The following EPB41L1 variants were observed in gnomAD, a reference collection of about 807,000 sequenced individuals.
EPB41L1 encodes erythrocyte membrane protein band 4.1 like 1.
EPB41L1 carries 29 observed loss-of-function variants against 97.8 expected under a neutral mutation model. The ratio of observed to expected loss-of-function variants is 0.30; its 90% CI spans 0.22 to 0.40. The LOEUF is 0.40. Among genes scored for constraint, EPB41L1 ranks in the 10% least tolerant of loss-of-function variants. The pLI is 1.00. For missense variants in EPB41L1, 812 were observed against 1,162.3 expected, an observed-to-expected ratio of 0.70 and a Z score of 4.38; for synonymous variants, 383 against 459.2, an observed-to-expected ratio of 0.83 and a Z score of 2.12.
rs552629155 is a variant in EPB41L1 at position 36,232,430 on chromosome 20, C to G, written c.*3090C>G. Reference sequence around the variant, plus strand: ...CGACTTGCAAAATAAGCAGAAAGAACCAGATGCTCTCCAGGGTCTTTTTCT... The same window carrying G: ...CGACTTGCAAAATAAGCAGAAAGAAGCAGATGCTCTCCAGGGTCTTTTTCT... On this transcript the variant is annotated 3_prime_UTR_variant, in exon 22 of 22. Coordinates refer to ENST00000338074, the MANE Select transcript of EPB41L1 (RefSeq NM_012156.2). The G allele has an allele frequency of 5.7e-4, 226 of 394,118 alleles. No homozygotes were observed. The highest frequency in any genetic ancestry group is 1.9e-3 in the Middle Eastern group (3 of 1,580). The allele number at this position is 394,118 out of a possible 1,614,324, so 24.4% of individuals were successfully genotyped here. A position where few individuals can be genotyped will look rare whatever the true frequency, so the allele number is the denominator to read the frequency against.
chr20:36,229,163 A>T (rs989024276), intron 21 of EPB41L1, among the ~76,000 whole-genome samples, 169 bp from the exon 22 acceptor site: 1 of 152,034 alleles, frequency 6.6e-6, no homozygotes, highest in African/African-American at 2.4e-5. Flanking sequence ...GGTGCAAGTC[A>T]CTCTACCTTG....
Position 36,207,827 on chromosome 20 carries a change from TG to T in EPB41L1, c.1669-1656del. The T allele has an allele frequency of 7.9e-7, 1 of 1,262,638 alleles. No individual in the cohort carries two copies. Among genetic ancestry groups the T allele is most frequent in the Non-Finnish European group, 1.0e-6 (1 of 974,142 alleles). The allele number at this position is 1,262,638 out of a possible 1,614,324, so 78.2% of individuals were successfully genotyped here. ...CGCCCCCACCGCTGCTCCCCGCCCA[TG>T]GGGGCTGGCCGCATGCTCTGTAGTT... On this transcript the variant is annotated intron_variant, in intron 14 of 21. Coordinates refer to ENST00000338074, the MANE Select transcript of EPB41L1 (RefSeq NM_012156.2). The surrounding 1 kb of genome is among the most constrained non-coding windows in gnomAD (Gnocchi z 4.9).
Position 36,212,373 on chromosome 20 carries a change from C to A in EPB41L1, c.2181C>A (p.Thr727=). 6.2e-7 allele frequency: 1 copy of A among 1,613,924 alleles called. No individual in the cohort carries two copies. The highest frequency in any genetic ancestry group is 8.5e-7 in the Non-Finnish European group (1 of 1,179,810). The part of the protein sequence containing the change: ...LQTRVSAMDN[T]QQVDGSASVG... Reference sequence around the variant, plus strand: ...CCAGAGTCTCCGCTATGGATAACACCCAGGTAACTTGTGCCTTCCAATGTA... The same window carrying A: ...CCAGAGTCTCCGCTATGGATAACACACAGGTAACTTGTGCCTTCCAATGTA... Residue 727 remains threonine (T), a synonymous_variant, in exon 16 of 22, where the codon ACC becomes ACA. Transcript: ENST00000338074. The surrounding 1 kb of genome is among the most constrained non-coding windows in gnomAD (Gnocchi z 4.8).
At chr20:36,150,559 T>C (rs972482497), upstream of EPB41L1, 23 of 152,200 alleles carry the variant, frequency 1.5e-4, no homozygotes, top group Admixed American at 1.4e-3. Flanking sequence ...GCACCAGACA[T>C]ACCTGTCAGT....
intron 2 of EPB41L1, among the ~76,000 whole-genome samples, chr20:36,122,235 C>G (rs1437008448): frequency 6.6e-6 from 1 of 152,224 alleles, no homozygotes; most frequent in Non-Finnish European, 1.5e-5. Context: ...TCCTGGGTCT[C>G]TTGCCCAACT....
chr20:36,145,775 A>G (rs1296746966), intron 2 of EPB41L1, among the ~76,000 whole-genome samples: 1 of 152,224 alleles, frequency 6.6e-6, no homozygotes, highest in Admixed American at 6.5e-5. Context: ...ATTTTGTTCC[A>G]TTAAATTTAA....
At chr20:36,121,400 A>G (rs2058748598) in intron 2 of EPB41L1, among the ~76,000 whole-genome samples, 2 of 151,880 alleles carry the variant, frequency 1.3e-5, no homozygotes, top group Admixed American at 6.6e-5. Flanking sequence ...CTGTTGGGGG[A>G]GGTAGCATGT....
intron 2 of EPB41L1, among the ~76,000 whole-genome samples, chr20:36,132,637 C>A (rs2059261918): frequency 6.6e-6 from 1 of 151,472 alleles, no homozygotes. Context: ...ATTACTGGAC[C>A]CCCAGGTCCT....
chr20:36,116,394 C>T (rs1354700608), intron 2 of EPB41L1, among the ~76,000 whole-genome samples: 3 of 152,148 alleles, frequency 2.0e-5, no homozygotes, highest in African/African-American at 7.2e-5. Flanking sequence ...CTTCTTCTTC[C>T]AGACTGTTCT....
chr20:36,208,385 T>C, intron 14 of EPB41L1: 1 of 449,190 alleles, frequency 2.2e-6, no homozygotes, highest in South Asian at 1.6e-5. Context: ...GCGCCTGAGA[T>C]TTGCCAGCCC....
chr20:36,207,014 C>T lies in EPB41L1; in HGVS notation c.1669-2474C>T, dbSNP rs1346958331. 7.8e-7 allele frequency: 1 copy of T among 1,289,932 alleles called. No homozygotes were observed. The highest frequency in any genetic ancestry group is 1.0e-6 in the Non-Finnish European group (1 of 988,894). The allele number at this position is 1,289,932 out of a possible 1,614,324, so 79.9% of individuals were successfully genotyped here. A position where few individuals can be genotyped will look rare whatever the true frequency, so the allele number is the denominator to read the frequency against. On this transcript the variant is annotated intron_variant, in intron 14 of 21. Coordinates refer to ENST00000338074, the MANE Select transcript of EPB41L1 (RefSeq NM_012156.2). This position sits in a 1 kb window ranked among gnomAD's most constrained non-coding sequence, Gnocchi z 4.9. ...CCCAAAGAGAGGGGAGTGGTTCCCACCCAGAAAGGAGGGGCTGAGCTGAAG... is the reference window on the plus strand; with the variant it reads ...CCCAAAGAGAGGGGAGTGGTTCCCATCCAGAAAGGAGGGGCTGAGCTGAAG...
intron 9 of EPB41L1, 142 bp downstream of exon 9, chr20:36,188,641 C>G (rs2425184): frequency 0.02 from 5,169 of 256,808 alleles, 18 homozygotes; most frequent in East Asian, 0.067. Context: ...CACACACACA[C>G]AGAGAGAGAG....
At chr20:36,215,348 C>T (rs2063378707) in intron 17 of EPB41L1, among the ~76,000 whole-genome samples, 1 of 152,118 alleles carries the variant, frequency 6.6e-6, no homozygotes. Context: ...TTAATCCTGA[C>T]CATTGTGAAC....
chr20:36,159,558 G>A (rs1388883601), intron 1 of EPB41L1, among the ~76,000 whole-genome samples: 1 of 152,244 alleles, frequency 6.6e-6, no homozygotes, highest in Non-Finnish European at 1.5e-5. Context: ...TGAAGGCAGA[G>A]TTGAGTTCAC....
chr20:36,165,409 G>A (rs779665391), intron 1 of EPB41L1, among the ~76,000 whole-genome samples: 3 of 152,070 alleles, frequency 2.0e-5, no homozygotes. Context: ...TGCTCAGAAA[G>A]AGGAAGTGGC....
rs748671412 is a variant in EPB41L1 at position 36,206,984 on chromosome 20, TC to T, written c.1669-2501del. The T allele has an allele frequency of 2.1e-5, 27 of 1,289,748 alleles. 1 individual carries two copies. The South Asian group carries it at 3.3e-4, about 16-fold the overall frequency. 79.9% of individuals were successfully genotyped at this position (1,289,748 alleles called of 1,614,324 possible). Reference sequence around the variant, plus strand: ...CCAGTCAAACCAGACAGAGGCAACTTCCCACCCAAAGAGAGGGGAGTGGTTC... The same window carrying T: ...CCAGTCAAACCAGACAGAGGCAACTTCCACCCAAAGAGAGGGGAGTGGTTC... On this transcript the variant is annotated intron_variant, in intron 14 of 21. Transcript: ENST00000338074. The surrounding 1 kb of genome is among the most constrained non-coding windows in gnomAD (Gnocchi z 5.5).
At position 36,209,402 on chromosome 20, in the gene EPB41L1, T is replaced by G. The variant is rs2063003225; in HGVS notation, c.1669-86T>G. 1 of 1,477,546 alleles carries G rather than the reference T, an allele frequency of 6.8e-7. No homozygotes were observed. The highest frequency in any genetic ancestry group is 9.2e-7 in the Non-Finnish European group (1 of 1,088,844). The allele number at this position is 1,477,546 out of a possible 1,614,324, so 91.5% of individuals were successfully genotyped here. Reference sequence around the variant, plus strand: ...CAGGATGTCGACACAGCCCCGAGATTTCTCCTGACATTCACCATCTTGATT... The same window carrying G: ...CAGGATGTCGACACAGCCCCGAGATGTCTCCTGACATTCACCATCTTGATT... On this transcript the variant is annotated intron_variant, in intron 14 of 21. Transcript: ENST00000338074. The surrounding 1 kb of genome is among the most constrained non-coding windows in gnomAD (Gnocchi z 4.2).
At chr20:36,191,488 G>A (rs546598076) in intron 11 of EPB41L1, among the ~76,000 whole-genome samples, 8 of 152,154 alleles carry the variant, frequency 5.3e-5, no homozygotes, top group South Asian at 4.2e-4. Context: ...CATCAGAGTC[G>A]CCTGTGAGAT....
chr20:36,142,146 A>C (rs1395159934), intron 2 of EPB41L1, among the ~76,000 whole-genome samples: 1 of 151,838 alleles, frequency 6.6e-6, no homozygotes, highest in Non-Finnish European at 1.5e-5. Context: ...AGAACAAAAA[A>C]CGTATTTTGT....
Sources: gnomAD v4.1 joint callset for allele counts (sites outside exome capture counted in the v4.1 genomes callset) on GRCh38, gnomAD v4.1.1 for gene constraint, Gnocchi (gnomAD v3.1) non-coding constraint, MANE v1.5 for transcripts, NCBI Gene and HGNC (gene_info 2026-07-23, HGNC 2026-07-21) for gene names.